ADCY3: variants seen among roughly 807,000 people sequenced by gnomAD.
ADCY3 encodes the protein adenylate cyclase type 3.
A neutral mutation model predicts 119.4 loss-of-function variants in ADCY3; 70 were observed. The observed-to-expected ratio is 0.59, with a 90% CI of 0.48 to 0.72. The LOEUF (loss-of-function observed/expected upper bound fraction) is 0.72. ADCY3 is among the 30% of genes least tolerant of loss of function. The pLI, the probability that ADCY3 is intolerant of heterozygous loss-of-function variation, is 0.00. For missense variants in ADCY3, 1,238 were observed against 1,541.6 expected, an observed-to-expected ratio of 0.80 and a Z score of 3.30; for synonymous variants, 672 against 621.4, an observed-to-expected ratio of 1.08 and a Z score of -1.21.
At chr2:24,861,237 T>G (rs1673612687) in intron 3 of ADCY3, among the ~76,000 whole-genome samples, 3 of 110,674 alleles carry the variant, frequency 2.7e-5, no homozygotes, top group East Asian at 2.5e-4. Context: ...GGCGAAAGAG[T>G]GAGACTCCAT....
chr2:24,913,942 C>T (rs1201419545), intron 2 of ADCY3, among the ~76,000 whole-genome samples: 1 of 152,176 alleles, frequency 6.6e-6, no homozygotes, highest in African/African-American at 2.4e-5. Flanking sequence ...TTGCCAAATG[C>T]TAAAGGCACG....
chr2:24,861,271 A>G (rs1385646483), intron 3 of ADCY3, among the ~76,000 whole-genome samples: 1 of 146,944 alleles, frequency 6.8e-6, no homozygotes, highest in Non-Finnish European at 1.5e-5. Flanking sequence ...AAAAAAAAAG[A>G]TAAGAGCACC....
At position 24,827,593 on chromosome 2, in the gene ADCY3, G is replaced by A. The variant is rs1478289734; in HGVS notation, c.2448C>T (p.Ala816=). The part of the protein sequence containing the change: ...RFREHDLPMV[A]LEQMQGFNPG... Reference sequence around the variant, plus strand: ...GGTTGAATCCTTGCATCTGCTCTAAGGCCACCATAGGTAAGCTGTTGGACA... The same window carrying A: ...GGTTGAATCCTTGCATCTGCTCTAAAGCCACCATAGGTAAGCTGTTGGACA... Residue 816 remains alanine (A), a synonymous_variant, in exon 15 of 22, where the codon GCC becomes GCT. Transcript: ENST00000679454. 2 of 1,587,630 alleles carry A rather than the reference G, an allele frequency of 1.3e-6. No homozygotes were observed. Among genetic ancestry groups the A allele is most frequent in the Admixed American group, 1.7e-5 (1 of 57,848 alleles).
chr2:24,840,787 T>A (rs973995195), intron 6 of ADCY3, among the ~76,000 whole-genome samples: 1 of 152,122 alleles, frequency 6.6e-6, no homozygotes, highest in African/African-American at 2.4e-5. Flanking sequence ...AGCCTAAGGC[T>A]GGAGCACAGA....
chr2:24,903,393 C>T (rs1679138087), intron 2 of ADCY3, among the ~76,000 whole-genome samples: 2 of 152,116 alleles, frequency 1.3e-5, no homozygotes, highest in Non-Finnish European at 2.9e-5. Context: ...CTGTCTCGAT[C>T]TCCTCAGAGA....
chr2:24,841,486 G>A lies in ADCY3; in HGVS notation c.1068+70C>T, dbSNP rs75929264. The A allele has an allele frequency of 8.2e-5, 130 of 1,588,234 alleles. No individual in the cohort carries two copies. In the East Asian group the frequency reaches 1.0e-3, roughly 13 times the overall value. On this transcript the variant is annotated intron_variant, in intron 5 of 21. Transcript: ENST00000679454. The surrounding 1 kb of genome is among the most constrained non-coding windows in gnomAD (Gnocchi z 5.8). The stretch of plus-strand genomic sequence containing the variant: ...GACAGTGGGAGAAAATCATGGGGCC[G>A]GGGATGGGGGCCAGGCAGAGGCCAT...
Position 24,827,945 on chromosome 2 carries a change from G to C in ADCY3, c.2389C>G (p.Pro797Ala), listed in dbSNP as rs775904787. The C allele has an allele frequency of 3.2e-5, 51 of 1,614,108 alleles. No individual in the cohort carries two copies. Among genetic ancestry groups the C allele is most frequent in the Non-Finnish European group, 4.2e-5 (49 of 1,180,054 alleles). The change falls in exon 14 of 22, where the codon CCC (proline) becomes GCC (alanine). Residue 797 changes from proline to alanine, a missense_variant. Pro to Ala is a conservative substitution (Grantham distance 27). Coordinates refer to ENST00000679454, the MANE Select transcript of ADCY3 (RefSeq NM_004036.5). ...VATINLYAWR[P>A]VFDEYDHKRF... Reference sequence around the variant, plus strand: ...TTGTGGTCGTATTCATCAAAGACGGGACGCCAGGCATAGAGGTTGATGGTG... The same window carrying C: ...TTGTGGTCGTATTCATCAAAGACGGCACGCCAGGCATAGAGGTTGATGGTG...
chr2:24,832,546 GGT>G (rs1669744127), intron 11 of ADCY3, among the ~76,000 whole-genome samples: 1 of 152,146 alleles, frequency 6.6e-6, no homozygotes, highest in South Asian at 2.1e-4. Context: ...CTCCCTGGAA[GGT>G]GTCCTTGCCA....
intron 6 of ADCY3, chr2:24,840,429 C>G (rs1670862338): frequency 2.6e-6 from 1 of 385,270 alleles, no homozygotes; most frequent in Admixed American, 3.5e-5. Flanking sequence ...ACGTGTCTGA[C>G]AGGGCAGGGA....
Position 24,919,290 on chromosome 2 carries a change from C to T in ADCY3, c.-197-106G>A. On this transcript the variant is annotated intron_variant, in intron 1 of 21. Transcript: ENST00000679454. The surrounding 1 kb of genome is among the most constrained non-coding windows in gnomAD (Gnocchi z 5.5). ...AAGGATCTCTGCTGCAAGAGCCTCC[C>T]AACCCAGGGCCTTCCCTGCCACCCC... 3.0e-6 allele frequency: 1 copy of T among 336,070 alleles called. No homozygotes were observed. Among genetic ancestry groups the T allele is most frequent in the South Asian group, 3.8e-5 (1 of 26,424 alleles). The allele number at this position is 336,070 out of a possible 1,614,324, so 20.8% of individuals were successfully genotyped here. A position where few individuals can be genotyped will look rare whatever the true frequency, so the allele number is the denominator to read the frequency against.
In ADCY3 at chr2:24,826,081, G is replaced by A. The variant is rs760843462; in HGVS notation, c.2541C>T (p.Phe847=). 1.4e-5 allele frequency: 23 copies of A among 1,613,974 alleles called. No individual in the cohort carries two copies. Among genetic ancestry groups the A allele is most frequent in the Non-Finnish European group, 1.6e-5 (19 of 1,180,034 alleles). ...PSKYSMTVMV[F]LMMLSFYYFS... is the part of the protein sequence containing the mutation. ...AGTAGTAGAAGCTGAGCATCATGAGGAACACCATCACCGTCATAGAGTACT... is the reference window on the plus strand; with the variant it reads ...AGTAGTAGAAGCTGAGCATCATGAGAAACACCATCACCGTCATAGAGTACT... Residue 847 remains phenylalanine (F), a synonymous_variant, in exon 16 of 22, where the codon TTC becomes TTT. Coordinates refer to ENST00000679454, the MANE Select transcript of ADCY3 (RefSeq NM_004036.5).
intron 15 of ADCY3, 120 bp from the exon 16 acceptor site, chr2:24,826,246 C>T (rs1313511372): frequency 8.5e-6 from 7 of 820,618 alleles, no homozygotes; most frequent in African/African-American, 3.5e-5. Context: ...CACCCCGGCT[C>T]CTTAGGCCCT....
chr2:24,879,529 C>G (rs1444691482), intron 2 of ADCY3, among the ~76,000 whole-genome samples: 1 of 150,896 alleles, frequency 6.6e-6, no homozygotes, highest in Non-Finnish European at 1.5e-5. Flanking sequence ...ATACCCCTTT[C>G]ATGACTTTTT....
chr2:24,830,957 C>G, intron 12 of ADCY3, 132 bp from the exon 13 acceptor site: 1 of 701,090 alleles, frequency 1.4e-6, no homozygotes. Context: ...CTGGGAGTCA[C>G]CTGACAGCTG....
intron 2 of ADCY3, among the ~76,000 whole-genome samples, chr2:24,875,606 G>A (rs529247464): frequency 9.2e-5 from 14 of 152,346 alleles, no homozygotes; most frequent in South Asian, 2.1e-4. Flanking sequence ...CTCACGCAGC[G>A]ACGGGAGGCG....
At chr2:24,840,253 C>T (rs975108697) in intron 6 of ADCY3, among the ~76,000 whole-genome samples, 8 of 152,240 alleles carry the variant, frequency 5.3e-5, no homozygotes, top group African/African-American at 1.7e-4. Flanking sequence ...AAGCGACTTT[C>T]CTCCCTATCC....
intron 2 of ADCY3, among the ~76,000 whole-genome samples, chr2:24,875,047 C>T (rs752711267): frequency 7.9e-5 from 12 of 152,144 alleles, no homozygotes; most frequent in Admixed American, 3.3e-4. Flanking sequence ...ATGACAGTAA[C>T]TCCTTGCACA....
At chr2:24,827,763 AG>A in intron 14 of ADCY3, 138 bp downstream of exon 14, 3 of 1,439,416 alleles carry the variant, frequency 2.1e-6, no homozygotes, top group Non-Finnish European at 2.9e-6. Flanking sequence ...GTGAGCAGCC[AG>A]GAACTGGTTC....
chr2:24,899,723 T>C lies in ADCY3; in HGVS notation c.675+18590A>G, dbSNP rs1329900763. Among the ~76,000 whole-genome samples the C allele has an allele frequency of 6.6e-6, 1 of 152,142 alleles. No individual in the cohort carries two copies. Among genetic ancestry groups the C allele is most frequent in the Non-Finnish European group, 1.5e-5 (1 of 68,036 alleles). ...GGTGTGTAGAGCTTTGCTTCCCCGA[T>C]TTGCATAAGCTTATATAAAGAATGT... On this transcript the variant is annotated intron_variant, in intron 2 of 21. Transcript: ENST00000679454. The surrounding 1 kb of genome is among the most constrained non-coding windows in gnomAD (Gnocchi z 4.5).
Sources: gnomAD v4.1 joint callset for allele counts (sites outside exome capture counted in the v4.1 genomes callset) on GRCh38, gnomAD v4.1.1 for gene constraint, Gnocchi (gnomAD v3.1) non-coding constraint, MANE v1.5 for transcripts, NCBI Gene and HGNC (gene_info 2026-07-23, HGNC 2026-07-21) for gene names.